The following NPNT variants were observed in gnomAD, a reference collection of about 807,000 sequenced individuals.
NPNT encodes nephronectin.
A neutral mutation model predicts 68.6 loss-of-function variants in NPNT; 45 were observed. The observed-to-expected ratio is 0.66, with a 90% CI of 0.52 to 0.84. The LOEUF (loss-of-function observed/expected upper bound fraction) is 0.84, where lower values mean the gene tolerates loss of function less well. Among genes scored for constraint, NPNT ranks in the 40% least tolerant of loss-of-function variants. The pLI is 0.00. For synonymous variants in NPNT, 233 were observed against 253.3 expected (o/e 0.92, Z 0.76); for missense variants, 672 against 714.8 (o/e 0.94, Z 0.68).
At chr4:105,953,751 T>G (rs1166813883) in intron 8 of NPNT, among the ~76,000 whole-genome samples, 2 of 152,214 alleles carry the variant, frequency 1.3e-5, no homozygotes, top group African/African-American at 2.4e-5. Flanking sequence ...TACCATTCTC[T>G]TCAATGAACT....
chr4:105,940,269 A>G, intron 6 of NPNT, 60 bp downstream of exon 6: 1 of 1,533,964 alleles, frequency 6.5e-7, no homozygotes, highest in Non-Finnish European at 9.0e-7. Context: ...AAGGTCTCGT[A>G]ATTGTGGTGA....
rs141906793 is a variant in NPNT at position 105,960,012 on chromosome 4, C to A, written c.1345+886C>A. Among the ~76,000 whole-genome samples the A allele has an allele frequency of 3.9e-5, 6 of 151,998 alleles. No homozygotes were observed. The East Asian group carries it at 7.8e-4, about 20-fold the overall frequency. ...TTTTTAGTAGAGACTAGGTTTCACC[C>A]TGTTAGCCAGGATGGTCTCGATCTC... On this transcript the variant is annotated intron_variant, in intron 10 of 11. Coordinates refer to ENST00000379987, the MANE Select transcript of NPNT (RefSeq NM_001033047.3).
At chr4:105,950,028 G>A (rs1362577222) in intron 8 of NPNT, among the ~76,000 whole-genome samples, 1 of 152,176 alleles carries the variant, frequency 6.6e-6, no homozygotes, top group African/African-American at 2.4e-5. Flanking sequence ...TTCCTTCAGA[G>A]AGGGGGCAGA....
intron 2 of NPNT, among the ~76,000 whole-genome samples, chr4:105,904,961 C>T (rs1726761967): frequency 6.6e-6 from 1 of 152,060 alleles, no homozygotes; most frequent in Non-Finnish European, 1.5e-5. Context: ...GTCTTGAACT[C>T]CTGACTTCAG....
At chr4:105,918,784 T>C (rs1401605478) in intron 2 of NPNT, among the ~76,000 whole-genome samples, 1 of 152,190 alleles carries the variant, frequency 6.6e-6, no homozygotes, top group Non-Finnish European at 1.5e-5. Flanking sequence ...GTCATACTTA[T>C]AATCCTCATC....
intron 2 of NPNT, among the ~76,000 whole-genome samples, chr4:105,917,445 A>G (rs550602720): frequency 1.3e-5 from 2 of 151,604 alleles, no homozygotes; most frequent in East Asian, 3.9e-4. Flanking sequence ...TACACCTGTC[A>G]TGTCTATCTT....
At chr4:105,908,600 G>T (rs771099443) in intron 2 of NPNT, among the ~76,000 whole-genome samples, 2 of 149,830 alleles carry the variant, frequency 1.3e-5, no homozygotes, top group Non-Finnish European at 3.0e-5. Flanking sequence ...GTCTTCCTCT[G>T]TCACCCAGGC....
intron 9 of NPNT, 21 bp downstream of exon 9, chr4:105,958,578 G>C: frequency 7.6e-7 from 1 of 1,311,916 alleles, no homozygotes; most frequent in South Asian, 1.3e-5. Flanking sequence ...CACTCTTAGT[G>C]CCATCATAAT....
At chr4:105,903,622 T>C (rs909435318) in intron 2 of NPNT, among the ~76,000 whole-genome samples, 1 of 152,236 alleles carries the variant, frequency 6.6e-6, no homozygotes, top group Admixed American at 6.5e-5. Flanking sequence ...TTTGGTATAC[T>C]TTAAAAAATA....
Position 105,968,929 on chromosome 4 carries a change from C to A in NPNT, c.1637C>A (p.Thr546Asn), listed in dbSNP as rs149689421. Residue 546 changes from threonine to asparagine, a missense_variant, in exon 12 of 12, where the codon ACT (threonine) becomes AAT (asparagine). Physicochemically the swap from Thr to Asn is moderately conservative, Grantham distance 65. Coordinates refer to ENST00000379987, the MANE Select transcript of NPNT (RefSeq NM_001033047.3). ...AAAGGTGAAAAAAGGCGTGGTCACA[C>A]TGGGGAGATTGGATTAGATGATGTG... ...VFKGEKRRGH[T>N]GEIGLDDVSL... The A allele has an allele frequency of 6.4e-5, 104 of 1,613,066 alleles. No individual in the cohort carries two copies. Among genetic ancestry groups the A allele is most frequent in the Middle Eastern group, 1.6e-4 (1 of 6,082 alleles).
At chr4:105,942,795 A>C (rs1319133638) in intron 8 of NPNT, 93 bp downstream of exon 8, 1 of 1,209,246 alleles carries the variant, frequency 8.3e-7, no homozygotes, top group Non-Finnish European at 1.2e-6. Flanking sequence ...GAAACTCGTA[A>C]GAAGAACTAG....
chr4:105,918,713 AT>A (rs1403867277), intron 2 of NPNT, among the ~76,000 whole-genome samples: 1 of 152,076 alleles, frequency 6.6e-6, no homozygotes, highest in Non-Finnish European at 1.5e-5. Flanking sequence ...TTGCTCTCCT[AT>A]TCATTTTTAT....
At chr4:105,961,496 C>G (rs1303085816) in intron 10 of NPNT, among the ~76,000 whole-genome samples, 1 of 152,154 alleles carries the variant, frequency 6.6e-6, no homozygotes, top group Non-Finnish European at 1.5e-5. Context: ...TGTAAACAAT[C>G]TATGTAAAAT....
intron 2 of NPNT, among the ~76,000 whole-genome samples, chr4:105,919,425 T>C (rs1011095972): frequency 6.6e-6 from 1 of 152,154 alleles, no homozygotes; most frequent in African/African-American, 2.4e-5. Context: ...ATTGATATAA[T>C]AATGCTATGT....
In NPNT at chr4:105,963,170, A is replaced by G. The variant is rs368826762; in HGVS notation, c.1346-4018A>G. ...AGCCTGGGAGGCAGAGCTTGCAGTG[A>G]GCCGAGATCACGCCACTGTACTCCA... On this transcript the variant is annotated intron_variant, in intron 10 of 11. Coordinates refer to ENST00000379987, the MANE Select transcript of NPNT (RefSeq NM_001033047.3). 7.2e-5 allele frequency among the ~76,000 whole-genome samples: 11 copies of G among 152,274 alleles called. No homozygotes were observed. In the South Asian group the frequency reaches 2.3e-3, roughly 32 times the overall value.
At chr4:105,906,866 A>T (rs73839085) in intron 2 of NPNT, among the ~76,000 whole-genome samples, 5,022 of 152,272 alleles carry the variant, frequency 0.033, 251 homozygotes, top group African/African-American at 0.11. Flanking sequence ...CCATTTTGCT[A>T]TATACATATT....
At chr4:105,967,123 T>C in intron 10 of NPNT, 65 bp from the exon 11 acceptor site, 3 of 1,469,860 alleles carry the variant, frequency 2.0e-6, no homozygotes, top group Non-Finnish European at 2.8e-6. Flanking sequence ...AAAACTCCTG[T>C]CCATGCTGCT....
At chr4:105,942,744 A>T (rs988806938) in intron 8 of NPNT, 42 bp downstream of exon 8, 3 of 1,537,824 alleles carry the variant, frequency 2.0e-6, no homozygotes, top group South Asian at 1.3e-5. Context: ...TAGGCTCTTT[A>T]TAATGACTTT....
intron 2 of NPNT, among the ~76,000 whole-genome samples, chr4:105,901,924 T>C (rs1212706931): frequency 6.6e-6 from 1 of 152,228 alleles, no homozygotes; most frequent in Non-Finnish European, 1.5e-5. Flanking sequence ...TGATTGTGGA[T>C]ATTGGAAGTG....
Sources: gnomAD v4.1 joint callset for allele counts (sites outside exome capture counted in the v4.1 genomes callset) on GRCh38, gnomAD v4.1.1 for gene constraint, MANE v1.5 for transcripts, NCBI Gene and HGNC (gene_info 2026-07-23, HGNC 2026-07-21) for gene names.